The following DHX32 variants were observed in gnomAD, a reference collection of about 807,000 sequenced individuals.
DHX32 encodes putative pre-mRNA-splicing factor ATP-dependent RNA helicase DHX32.
DHX32 carries 51 observed loss-of-function variants against 70.0 expected under a neutral mutation model. The observed-to-expected ratio is 0.73, with a 90% confidence interval of 0.58 to 0.92. The LOEUF is 0.92. Ranked by LOEUF, DHX32 falls within the 40% of genes least tolerant of loss-of-function variation. The probability of loss-of-function intolerance (pLI) is 0.00; values close to 1 mark genes in which losing one functional copy is unlikely to be tolerated. For missense variants in DHX32, 762 were observed against 891.8 expected (o/e 0.85, Z 1.85); for synonymous variants, 310 against 315.3 (o/e 0.98, Z 0.18).
At chr10:125,890,105 G>A (rs1944361170) in intron 1 of DHX32, among the ~76,000 whole-genome samples, 1 of 152,310 alleles carries the variant, frequency 6.6e-6, no homozygotes, top group Non-Finnish European at 1.5e-5. Flanking sequence ...CATCACTGGG[G>A]GTTGAAGAAA....
intron 1 of DHX32, among the ~76,000 whole-genome samples, chr10:125,886,759 A>C (rs1944342887): frequency 2.0e-5 from 3 of 152,302 alleles, no homozygotes; most frequent in Admixed American, 6.5e-5. Flanking sequence ...TGATCAATTC[A>C]GAAGAGTTAT....
chr10:125,882,226 C>T (rs1944321340), upstream of DHX32, among the ~76,000 whole-genome samples: 1 of 151,908 alleles, frequency 6.6e-6, no homozygotes, highest in Non-Finnish European at 1.5e-5. Context: ...TCACATTAAC[C>T]AGATAAAAAT....
Position 125,852,390 on chromosome 10 carries a change from T to A in DHX32, c.1254A>T (p.Pro418=), listed in dbSNP as rs944158768. Residue 418 remains proline (P), a synonymous_variant, in exon 6 of 11, where the codon CCA becomes CCT. Coordinates refer to ENST00000284690, the MANE Select transcript of DHX32 (RefSeq NM_018180.3). ...TTAGGTTGGCTTCCTGCATTTCTGCTGGCTTCAGTGGCGTCATGTCTTTGG... is the reference window on the plus strand; with the variant it reads ...TTAGGTTGGCTTCCTGCATTTCTGCAGGCTTCAGTGGCGTCATGTCTTTGG... The part of the protein sequence containing the change: ...FASKDMTPLK[P]AEMQEANLTS... 1 of 1,614,230 alleles carries A rather than the reference T, an allele frequency of 6.2e-7. No homozygotes were observed. The highest frequency in any genetic ancestry group is 8.5e-7 in the Non-Finnish European group (1 of 1,180,044).
At position 125,880,936 on chromosome 10, in the gene DHX32, A is replaced by G. The variant is rs1944313557; in HGVS notation, c.-112T>C. ...TATTTATACAAACCCGTATGTTCCA[A>G]TCTCTAAGACTTCAGTTCAAGGTTT... On this transcript the variant is annotated 5_prime_UTR_variant, in exon 1 of 11. Coordinates refer to ENST00000284690, the MANE Select transcript of DHX32 (RefSeq NM_018180.3). The G allele has an allele frequency of 3.9e-6, 5 of 1,276,676 alleles. No individual in the cohort carries two copies. Among genetic ancestry groups the G allele is most frequent in the East Asian group, 4.6e-5 (2 of 43,126 alleles). The allele number at this position is 1,276,676 out of a possible 1,614,324, so 79.1% of individuals were successfully genotyped here.
At chr10:125,894,595 CCAATA>C (rs1222765576) in intron 1 of DHX32, among the ~76,000 whole-genome samples, 15 of 152,294 alleles carry the variant, frequency 9.8e-5, no homozygotes, top group Admixed American at 7.2e-4. Context: ...AAGTGTTTCA[CCAATA>C]CATATCCCCA....
At position 125,866,579 on chromosome 10, in the gene DHX32, C is replaced by T. The variant is rs775714033; in HGVS notation, c.476+411G>A. ...TACTGAGTGACTAGGAGGAACTAGCCGGGCCCGGACATGCTGAGCACAGGG... is the reference window on the plus strand; with the variant it reads ...TACTGAGTGACTAGGAGGAACTAGCTGGGCCCGGACATGCTGAGCACAGGG... On this transcript the variant is annotated intron_variant, in intron 2 of 10. Coordinates refer to ENST00000284690, the MANE Select transcript of DHX32 (RefSeq NM_018180.3). The surrounding 1 kb of genome is among the most constrained non-coding windows in gnomAD (Gnocchi z 4.8). Among the ~76,000 whole-genome samples, 3 of 152,166 alleles carry T rather than the reference C, an allele frequency of 2.0e-5. No homozygotes were observed. Among genetic ancestry groups the T allele is most frequent in the African/African-American group, 4.8e-5 (2 of 41,432 alleles).
chr10:125,854,352 A>T, intron 3 of DHX32, 149 bp from the exon 4 acceptor site: 3 of 606,640 alleles, frequency 4.9e-6, no homozygotes, highest in Non-Finnish European at 7.6e-6. Flanking sequence ...GTATCTTTAA[A>T]TAAGTAAAGA....
intron 6 of DHX32, among the ~76,000 whole-genome samples, chr10:125,846,456 A>G (rs758012404): frequency 1.3e-5 from 2 of 152,214 alleles, no homozygotes; most frequent in Non-Finnish European, 2.9e-5. Context: ...CATAAGGGTG[A>G]GGCTCAAATT....
intron 1 of DHX32, among the ~76,000 whole-genome samples, chr10:125,888,305 T>C (rs1944351077): frequency 6.6e-6 from 1 of 151,894 alleles, no homozygotes; most frequent in South Asian, 2.1e-4. Flanking sequence ...CTGGGCTCAA[T>C]TGATCATCCT....
chr10:125,882,807 G>T (rs546546065), upstream of DHX32, among the ~76,000 whole-genome samples: 4 of 152,138 alleles, frequency 2.6e-5, no homozygotes, highest in Admixed American at 2.6e-4. Context: ...TGAGATCATC[G>T]CACAAGCTAA....
intron 3 of DHX32, among the ~76,000 whole-genome samples, chr10:125,857,431 C>T (rs1398324916): frequency 6.6e-6 from 1 of 152,208 alleles, no homozygotes; most frequent in Non-Finnish European, 1.5e-5. Context: ...ATGAGGAGCT[C>T]ACCTTTAGAG....
rs761768015 is a variant in DHX32 at position 125,836,669 on chromosome 10, C to T, written c.*18G>A. ...AGCTACCTTTGGGACCCTGCTGCAC[C>T]TTGTGTTTGCTGGGGAGTCACTGGA... is the stretch of plus-strand genomic sequence containing the variant. On this transcript the variant is annotated 3_prime_UTR_variant, in exon 11 of 11. Transcript: ENST00000284690. The T allele has an allele frequency of 1.9e-6, 3 of 1,612,118 alleles. No homozygotes were observed. The highest frequency in any genetic ancestry group is 1.1e-5 in the South Asian group (1 of 90,840).
At chr10:125,851,259 A>C (rs1944085576) in intron 6 of DHX32, among the ~76,000 whole-genome samples, 1 of 152,160 alleles carries the variant, frequency 6.6e-6, no homozygotes. Flanking sequence ...CCACAGTTAT[A>C]TTTTCCCCAA....
chr10:125,856,850 G>A (rs961862438), intron 3 of DHX32, among the ~76,000 whole-genome samples: 2 of 152,084 alleles, frequency 1.3e-5, no homozygotes, highest in African/African-American at 4.8e-5. Context: ...CAGCTACTTT[G>A]AAGGCTGAAG....
chr10:125,853,019 C>A, intron 4 of DHX32: 1 of 814,322 alleles, frequency 1.2e-6, no homozygotes, highest in Non-Finnish European at 2.0e-6. Context: ...TTGTTCAAAT[C>A]AACCAGGATC....
chr10:125,894,140 A>T (rs573948874), intron 1 of DHX32, among the ~76,000 whole-genome samples: 16 of 152,422 alleles, frequency 1.0e-4, no homozygotes, highest in African/African-American at 3.6e-4. Context: ...GACCACTAAT[A>T]ACATACTGAA....
rs1329085060 is a variant in DHX32, at chr10:125,854,123, CA to C, written c.929del (p.Leu310CysfsTer29). The C allele has an allele frequency of 6.2e-7, 1 of 1,613,562 alleles. No homozygotes were observed. The highest frequency in any genetic ancestry group is 1.3e-5 in the African/African-American group (1 of 74,804). ...PDLGELVVVPLYPKEKCSLFK... is the reference protein window; with the variant it reads ...PDLGELVVVPXYPKEKCSLFK... ...ACAATGAACATTTCTCTTTTGGATACAAAGGAACAACCACCAGTTCTCCAAG... is the reference window on the plus strand; with the variant it reads ...ACAATGAACATTTCTCTTTTGGATACAAGGAACAACCACCAGTTCTCCAAG... On this transcript the variant is annotated frameshift_variant, in exon 4 of 11. Coordinates refer to ENST00000284690, the MANE Select transcript of DHX32 (RefSeq NM_018180.3). LOFTEE classifies it high-confidence loss of function.
intron 1 of DHX32, among the ~76,000 whole-genome samples, chr10:125,893,300 G>A (rs1464705776): frequency 6.6e-6 from 1 of 152,158 alleles, no homozygotes; most frequent in African/African-American, 2.4e-5. Flanking sequence ...TTGGAGTACA[G>A]TGGCCCAATC....
intron 6 of DHX32, chr10:125,842,277 C>T (rs978164815): frequency 4.1e-6 from 1 of 244,388 alleles, no homozygotes; most frequent in African/African-American, 2.3e-5. Flanking sequence ...GGTCACAGTA[C>T]TGGAGAGAGA....
Sources: allele counts gnomAD v4.1 joint callset (sites outside exome capture counted in the v4.1 genomes callset), GRCh38; gene constraint gnomAD v4.1.1; non-coding constraint Gnocchi (gnomAD v3.1); transcripts MANE v1.5; gene names NCBI Gene and HGNC (gene_info 2026-07-23, HGNC 2026-07-21).